Variants in WWOX observed in about 807,000 individuals in gnomAD.
WWOX encodes WW domain containing oxidoreductase.
In WWOX, 69 loss-of-function variants were observed where a neutral mutation model predicts 46.2. That is an observed-to-expected ratio of 1.49 (90% CI 1.23 to 1.82). The LOEUF is 1.82. Ranked by LOEUF, WWOX falls within the 40% of genes most tolerant of loss-of-function variation. WWOX has a pLI of 0.00. For synonymous variants in WWOX, 359 were observed against 202.6 expected (o/e 1.77, Z -6.56); for missense variants, 919 against 542.6 (o/e 1.69, Z -6.89).
At chr16:78,892,763 C>T (rs534605848) in intron 8 of WWOX, among the ~76,000 whole-genome samples, 2 of 152,302 alleles carry the variant, frequency 1.3e-5, no homozygotes, top group Admixed American at 6.5e-5. Context: ...AACTTTCTAA[C>T]CTCTGTTGTA....
At chr16:78,852,398 C>T (rs530241414) in intron 8 of WWOX, among the ~76,000 whole-genome samples, 16 of 152,310 alleles carry the variant, frequency 1.1e-4, no homozygotes, top group Non-Finnish European at 2.1e-4. Context: ...AAGCTAGACA[C>T]CATGTTGCGA....
chr16:79,029,890 A>G (rs911175105), intron 8 of WWOX, among the ~76,000 whole-genome samples: 1 of 152,222 alleles, frequency 6.6e-6, no homozygotes, highest in African/African-American at 2.4e-5. Context: ...GAAAATCGAA[A>G]GGAAGCATAA....
At chr16:78,757,696 T>C (rs1205141512) in intron 8 of WWOX, among the ~76,000 whole-genome samples, 5 of 151,820 alleles carry the variant, frequency 3.3e-5, no homozygotes, top group African/African-American at 9.7e-5. Context: ...ACATTTTATT[T>C]ATATAAATAA....
At chr16:78,404,828 G>C (rs75099711) in intron 6 of WWOX, among the ~76,000 whole-genome samples, 6,821 of 152,250 alleles carry the variant, frequency 0.045, 363 homozygotes, top group African/African-American at 0.12. Context: ...CAGGAAGCCA[G>C]AACACAGGGC....
chr16:78,451,735 TTTGCTGACATC>T, intron 8 of WWOX, among the ~76,000 whole-genome samples: 1 of 152,266 alleles, frequency 6.6e-6, no homozygotes, highest in East Asian at 1.9e-4. Flanking sequence ...TAGAATGAAT[TTTGCTGACATC>T]TTACTGGTTT....
At chr16:78,389,084 G>A (rs2082122895) in intron 6 of WWOX, among the ~76,000 whole-genome samples, 1 of 152,124 alleles carries the variant, frequency 6.6e-6, no homozygotes, top group Non-Finnish European at 1.5e-5. Context: ...CCTAAGCGCA[G>A]ACCCCAAGCT....
At chr16:78,186,240 CTT>C (rs34202784) in intron 5 of WWOX, among the ~76,000 whole-genome samples, 22 of 144,134 alleles carry the variant, frequency 1.5e-4, no homozygotes, top group Admixed American at 2.1e-4. Context: ...TTCTTTTTAC[CTT>C]TTTTTTTTTT....
intron 8 of WWOX, among the ~76,000 whole-genome samples, chr16:79,012,218 T>C (rs1174357224): frequency 6.6e-6 from 1 of 152,144 alleles, no homozygotes; most frequent in Non-Finnish European, 1.5e-5. Context: ...GCACTTGGCA[T>C]GCAACTAGTA....
intron 6 of WWOX, among the ~76,000 whole-genome samples, chr16:78,388,721 G>C (rs1396937916): frequency 6.7e-6 from 1 of 148,990 alleles, no homozygotes; most frequent in African/African-American, 2.5e-5. Flanking sequence ...TGTAATCCCA[G>C]CACTTTGTGA....
chr16:78,132,943 C>T (rs1027224951), intron 4 of WWOX, among the ~76,000 whole-genome samples: 1 of 152,144 alleles, frequency 6.6e-6, no homozygotes, highest in African/African-American at 2.4e-5. Flanking sequence ...AGTAGAGAAT[C>T]GTCACTTCAG....
intron 8 of WWOX, among the ~76,000 whole-genome samples, chr16:78,783,214 C>G (rs148708660): frequency 1.3e-5 from 2 of 152,190 alleles, no homozygotes; most frequent in Admixed American, 6.5e-5. Flanking sequence ...ATGCACCAGA[C>G]TTGACTTAAC....
chr16:78,997,990 C>T (rs2047022633), intron 8 of WWOX, among the ~76,000 whole-genome samples: 1 of 152,166 alleles, frequency 6.6e-6, no homozygotes, highest in Non-Finnish European at 1.5e-5. Context: ...GATTCTCCTG[C>T]CTCAGCCTCC....
intron 8 of WWOX, among the ~76,000 whole-genome samples, chr16:78,855,049 T>C (rs942708806): frequency 1.3e-5 from 2 of 152,196 alleles, no homozygotes; most frequent in African/African-American, 2.4e-5. Context: ...AGGACTATGA[T>C]TGACAGTCTA....
intron 8 of WWOX, among the ~76,000 whole-genome samples, chr16:78,647,883 G>T (rs1369774447): frequency 6.6e-6 from 1 of 152,158 alleles, no homozygotes; most frequent in East Asian, 1.9e-4. Context: ...CTCACTCTGA[G>T]TATTTAGAGG....
chr16:79,036,116 T>C (rs1203289154), intron 8 of WWOX, among the ~76,000 whole-genome samples: 1 of 152,240 alleles, frequency 6.6e-6, no homozygotes, highest in Non-Finnish European at 1.5e-5. Context: ...CACCCTGGGC[T>C]ATCTTTCACT....
intron 8 of WWOX, among the ~76,000 whole-genome samples, chr16:78,925,513 C>T (rs901788599): frequency 6.6e-6 from 1 of 152,192 alleles, no homozygotes; most frequent in African/African-American, 2.4e-5. Context: ...TAACCAGGAA[C>T]TCGCTTATGT....
At chr16:78,868,942 C>G (rs539800760) in intron 8 of WWOX, among the ~76,000 whole-genome samples, 1 of 152,088 alleles carries the variant, frequency 6.6e-6, no homozygotes, top group Non-Finnish European at 1.5e-5. Flanking sequence ...TGCGTGCAAA[C>G]GTCCATACAC....
rs113243586 is a variant in WWOX at position 78,514,786 on chromosome 16, A to G, written c.1056+82034A>G. On this transcript the variant is annotated intron_variant, in intron 8 of 8. Coordinates refer to ENST00000566780, the MANE Select transcript of WWOX (RefSeq NM_016373.4). The stretch of plus-strand genomic sequence containing the variant: ...AAAATAGATATACATAAATAATGTT[A>G]CTATAATTTGTCTGCCTCCCTTCTC... Among the ~76,000 whole-genome samples, 548 of 152,322 alleles carry G rather than the reference A, an allele frequency of 3.6e-3. 3 individuals are homozygous for G. The highest frequency in any genetic ancestry group is 0.013 in the African/African-American group (526 of 41,572).
intron 8 of WWOX, among the ~76,000 whole-genome samples, chr16:78,650,853 A>G (rs1404390461): frequency 6.6e-6 from 1 of 152,202 alleles, no homozygotes; most frequent in Admixed American, 6.5e-5. Flanking sequence ...TGTAGACAGA[A>G]TATTTCGGAT....
Sources: allele counts gnomAD v4.1 joint callset (sites outside exome capture counted in the v4.1 genomes callset), GRCh38; gene constraint gnomAD v4.1.1; transcripts MANE v1.5; gene names NCBI Gene and HGNC (gene_info 2026-07-23, HGNC 2026-07-21).